Variants in KCNN2 observed in about 807,000 individuals in gnomAD.
KCNN2 encodes small conductance calcium-activated potassium channel protein 2.
KCNN2 carries 24 observed loss-of-function variants against 55.5 expected under a neutral mutation model. The observed-to-expected ratio is 0.43, with a 90% CI of 0.31 to 0.61. The LOEUF is 0.61. Ranked by LOEUF, KCNN2 falls within the 20% of genes least tolerant of loss-of-function variation. KCNN2 has a pLI of 0.08. For missense variants in KCNN2, 754 were observed against 853.6 expected, an observed-to-expected ratio of 0.88 and a Z score of 1.45; for synonymous variants, 431 against 336.1, an observed-to-expected ratio of 1.28 and a Z score of -3.09.
intron 1 of KCNN2, among the ~76,000 whole-genome samples, chr5:114,192,086 A>G (rs753427240): frequency 2.6e-5 from 4 of 152,326 alleles, no homozygotes; most frequent in Non-Finnish European, 5.9e-5. Flanking sequence ...TACTTAGCCA[A>G]GATGTGCATT....
chr5:114,119,277 A>G (rs1460831162), intron 1 of KCNN2, among the ~76,000 whole-genome samples: 1 of 152,308 alleles, frequency 6.6e-6, no homozygotes, highest in East Asian at 1.9e-4. Flanking sequence ...AAAGAGTCCC[A>G]TAGAGGGAGA....
intron 1 of KCNN2, among the ~76,000 whole-genome samples, chr5:114,145,205 G>A (rs1752373910): frequency 6.6e-6 from 1 of 152,182 alleles, no homozygotes; most frequent in African/African-American, 2.4e-5. Context: ...TTTTTTGTAA[G>A]TAATATTATA....
At position 114,205,173 on chromosome 5, in the gene KCNN2, G is replaced by T. The variant is rs554548471; in HGVS notation, c.-270-16307G>T. Among the ~76,000 whole-genome samples, 3 of 151,454 alleles carry T rather than the reference G, an allele frequency of 2.0e-5. No homozygotes were observed. The South Asian group carries it at 6.2e-4, about 31-fold the overall frequency. On this transcript the variant is annotated intron_variant, in intron 1 of 10. Transcript: ENST00000512097. Reference sequence around the variant, plus strand: ...AGGCAGAATTGACTAAATTCTAGTTGCTGTGCAACACAAACTGCTAATAGG... The same window carrying T: ...AGGCAGAATTGACTAAATTCTAGTTTCTGTGCAACACAAACTGCTAATAGG...
chr5:114,482,189 A>G (rs1320931974), intron 5 of KCNN2, among the ~76,000 whole-genome samples: 1 of 152,168 alleles, frequency 6.6e-6, no homozygotes, highest in Admixed American at 6.5e-5. Flanking sequence ...TACAAGAAAA[A>G]AATACCCATT....
chr5:114,081,731 C>A (rs1439182992), intron 1 of KCNN2, among the ~76,000 whole-genome samples: 3 of 152,132 alleles, frequency 2.0e-5, no homozygotes, highest in African/African-American at 7.2e-5. Context: ...AGGTATGACA[C>A]AAAAGGCACG....
intron 2 of KCNN2, among the ~76,000 whole-genome samples, chr5:114,250,160 A>G (rs1754829467): frequency 6.6e-6 from 1 of 152,236 alleles, no homozygotes; most frequent in Admixed American, 6.5e-5. Context: ...ATAAAGAACC[A>G]GGAAATACCA....
At position 114,200,603 on chromosome 5, in the gene KCNN2, T is replaced by G. The variant is rs1055752905; in HGVS notation, c.-270-20877T>G. 3.3e-5 allele frequency among the ~76,000 whole-genome samples: 5 copies of G among 152,316 alleles called. No homozygotes were observed. The East Asian group carries it at 9.7e-4, about 29-fold the overall frequency. The stretch of plus-strand genomic sequence containing the variant: ...ATTTCCTTGCTTTTTCATGTTTCTG[T>G]GAACTTATGTTGATATTTGTACATC... On this transcript the variant is annotated intron_variant, in intron 1 of 10. Transcript: ENST00000512097.
intron 2 of KCNN2, among the ~76,000 whole-genome samples, chr5:114,272,188 T>A (rs1755351621): frequency 6.6e-6 from 1 of 151,846 alleles, no homozygotes. Context: ...GTGTTAAGAG[T>A]TTTGCTATAG....
At chr5:114,305,849 G>C (rs1002660659) in intron 2 of KCNN2, among the ~76,000 whole-genome samples, 2 of 152,158 alleles carry the variant, frequency 1.3e-5, no homozygotes, top group Admixed American at 1.3e-4. Flanking sequence ...AATGTTTCCA[G>C]TCCACTACCA....
intron 2 of KCNN2, among the ~76,000 whole-genome samples, chr5:114,235,653 G>A (rs1754476300): frequency 6.6e-6 from 1 of 152,174 alleles, no homozygotes; most frequent in African/African-American, 2.4e-5. Context: ...AAGGAGATAG[G>A]AGTGAGGCTA....
chr5:114,240,023 T>C (rs1026990707), intron 2 of KCNN2, among the ~76,000 whole-genome samples: 6 of 152,164 alleles, frequency 3.9e-5, no homozygotes, highest in Non-Finnish European at 8.8e-5. Context: ...CCCAGTTCAT[T>C]TTAAGAAACC....
At chr5:114,375,474 G>C (rs950028757) in intron 2 of KCNN2, among the ~76,000 whole-genome samples, 2 of 152,228 alleles carry the variant, frequency 1.3e-5, no homozygotes, top group South Asian at 2.1e-4. Context: ...TTAGAAACTT[G>C]CTGTAAGTCA....
intron 1 of KCNN2, among the ~76,000 whole-genome samples, chr5:114,142,890 A>C (rs191675126): frequency 2.0e-5 from 3 of 152,346 alleles, no homozygotes; most frequent in East Asian, 3.9e-4. Context: ...GGAACCAAAA[A>C]AGAGCCCGCA....
intron 3 of KCNN2, among the ~76,000 whole-genome samples, chr5:114,433,113 C>A (rs879305935): frequency 6.6e-6 from 1 of 152,230 alleles, no homozygotes; most frequent in Admixed American, 6.5e-5. Flanking sequence ...AGCCCCTGTG[C>A]AGGATCCACT....
At chr5:114,389,570 G>A (rs543414300) in intron 2 of KCNN2, among the ~76,000 whole-genome samples, 72 of 152,234 alleles carry the variant, frequency 4.7e-4, no homozygotes, top group Non-Finnish European at 9.4e-4. Context: ...ACCTGGTCCT[G>A]TTAACATGTG....
intron 2 of KCNN2, among the ~76,000 whole-genome samples, chr5:114,276,784 T>C (rs1319551404): frequency 6.6e-6 from 1 of 151,922 alleles, no homozygotes; most frequent in African/African-American, 2.4e-5. Context: ...CTTGACTCTT[T>C]ATCCAATTTG....
At chr5:114,062,467 A>G (rs1350434206) in intron 1 of KCNN2, among the ~76,000 whole-genome samples, 1 of 152,368 alleles carries the variant, frequency 6.6e-6, no homozygotes, top group East Asian at 1.9e-4. Context: ...TCGACTTTAA[A>G]TATGAGGTTT....
At chr5:114,345,058 C>G (rs1757082825) in intron 2 of KCNN2, among the ~76,000 whole-genome samples, 2 of 152,124 alleles carry the variant, frequency 1.3e-5, no homozygotes, top group South Asian at 4.1e-4. Flanking sequence ...CTGCAAAACA[C>G]TGGAAACAAC....
At chr5:114,175,641 G>A (rs1265977675) in intron 1 of KCNN2, among the ~76,000 whole-genome samples, 1 of 152,116 alleles carries the variant, frequency 6.6e-6, no homozygotes, top group African/African-American at 2.4e-5. Context: ...GAGATGTAAA[G>A]TATAGGCACA....
Sources: allele counts gnomAD v4.1 joint callset (sites outside exome capture counted in the v4.1 genomes callset), GRCh38; gene constraint gnomAD v4.1.1; transcripts MANE v1.5; gene names NCBI Gene and HGNC (gene_info 2026-07-23, HGNC 2026-07-21).